Variants in PIGK observed in about 807,000 individuals in gnomAD.
PIGK encodes GPI-anchor transamidase.
A neutral mutation model predicts 50.6 loss-of-function variants in PIGK; 42 were observed. That is an observed-to-expected ratio of 0.83 (90% CI 0.65 to 1.07). The LOEUF (loss-of-function observed/expected upper bound fraction) is 1.07, where lower values mean the gene tolerates loss of function less well. Ranked by LOEUF, PIGK falls within the 50% of genes least tolerant of loss-of-function variation. The pLI is 0.00. For missense variants in PIGK, 448 were observed against 488.7 expected (o/e 0.92, Z 0.78); for synonymous variants, 151 against 156.0 (o/e 0.97, Z 0.24).
chr1:77,178,514 T>A (rs991673375), intron 3 of PIGK, among the ~76,000 whole-genome samples: 1 of 152,208 alleles, frequency 6.6e-6, no homozygotes, highest in Non-Finnish European at 1.5e-5. Flanking sequence ...CTGGCATTTG[T>A]GGTCTAGGAG....
In PIGK at chr1:77,101,999, T is replaced by C. The variant is rs1438173629; in HGVS notation, c.1072-9509A>G. On this transcript the variant is annotated intron_variant, in intron 10 of 10. Transcript: ENST00000370812. ...AGCCTGGCGACAGAGTGAGAATCCA[T>C]CTCACACACAAAAAAAATTCTTCTA... 2.0e-5 allele frequency among the ~76,000 whole-genome samples: 3 copies of C among 152,134 alleles called. No individual in the cohort carries two copies. In the South Asian group the frequency reaches 6.2e-4, roughly 32 times the overall value.
Position 77,161,202 on chromosome 1 carries a change from C to T in PIGK, c.813+93G>A. The T allele has an allele frequency of 1.2e-5, 8 of 694,726 alleles. No individual in the cohort carries two copies. The South Asian group carries it at 1.3e-4, about 12-fold the overall frequency. 43.0% of individuals were successfully genotyped at this position (694,726 alleles called of 1,614,324 possible). A position where few individuals can be genotyped will look rare whatever the true frequency, so the allele number is the denominator to read the frequency against. On this transcript the variant is annotated intron_variant, in intron 8 of 10. Coordinates refer to ENST00000370812, the MANE Select transcript of PIGK (RefSeq NM_005482.3). ...AAAAGCTATAATTCAACACATAAAA[C>T]AAGATCCTCTAGGAGTGCAGGGAAT...
At chr1:77,157,201 AATAGAAAATAGGTATTATT>A (rs1655027714) in intron 8 of PIGK, among the ~76,000 whole-genome samples, 1 of 152,218 alleles carries the variant, frequency 6.6e-6, no homozygotes, top group African/African-American at 2.4e-5. Flanking sequence ...CATATACTCT[AATAGAAAATAGGTATTATT>A]ATACAATTGA....
chr1:77,098,989 A>T (rs1268405573), intron 10 of PIGK, among the ~76,000 whole-genome samples: 1 of 152,158 alleles, frequency 6.6e-6, no homozygotes, highest in Non-Finnish European at 1.5e-5. Context: ...AGGTCTTTAA[A>T]ATATTCATTT....
intron 1 of PIGK, among the ~76,000 whole-genome samples, chr1:77,212,410 A>G (rs1359329535): frequency 6.6e-6 from 1 of 152,178 alleles, no homozygotes; most frequent in Non-Finnish European, 1.5e-5. Context: ...GGAACATACT[A>G]CTAGTCTGAA....
At chr1:77,154,824 CAGTAATAAAA>C (rs1654973891) in intron 8 of PIGK, among the ~76,000 whole-genome samples, 1 of 152,076 alleles carries the variant, frequency 6.6e-6, no homozygotes, top group Non-Finnish European at 1.5e-5. Context: ...GACATTAGGA[CAGTAATAAAA>C]AGGTAGCTGG....
intron 8 of PIGK, among the ~76,000 whole-genome samples, chr1:77,155,682 G>A (rs1304846434): frequency 6.6e-6 from 1 of 151,960 alleles, no homozygotes; most frequent in East Asian, 1.9e-4. Context: ...GCAGAGACGT[G>A]CAAAGCAAAT....
intron 3 of PIGK, among the ~76,000 whole-genome samples, chr1:77,190,190 C>G (rs1655865640): frequency 6.6e-6 from 1 of 151,818 alleles, no homozygotes; most frequent in Admixed American, 6.6e-5. Flanking sequence ...GAGTTCAAGA[C>G]CAGCCTGGGC....
chr1:77,120,263 G>A (rs1654068429), intron 10 of PIGK, among the ~76,000 whole-genome samples: 1 of 152,148 alleles, frequency 6.6e-6, no homozygotes, highest in African/African-American at 2.4e-5. Flanking sequence ...CACCCAGACT[G>A]GAGTGCAGTG....
At chr1:77,162,753 G>A (rs373379716) in intron 6 of PIGK, among the ~76,000 whole-genome samples, 103 of 149,360 alleles carry the variant, frequency 6.9e-4, no homozygotes, top group African/African-American at 1.9e-3. Context: ...CAGTATCATC[G>A]AAGAAAGTGA....
intron 10 of PIGK, among the ~76,000 whole-genome samples, chr1:77,096,881 C>CTTTTTTTTTTTTTTTTTTTTTT (rs141858558): frequency 1.3e-4 from 16 of 124,262 alleles, no homozygotes; most frequent in East Asian, 4.9e-4. Flanking sequence ...TCGGGTTTTT[C>CTTTTTTTTTTTTTTTTTTTTTT]TTTTTTTTTT....
At chr1:77,122,909 A>T (rs1654136967) in intron 9 of PIGK, among the ~76,000 whole-genome samples, 1 of 152,136 alleles carries the variant, frequency 6.6e-6, no homozygotes, top group Admixed American at 6.5e-5. Context: ...CCATCTAGGT[A>T]TATTATTTTC....
At chr1:77,137,943 T>A (rs1654559358) in intron 9 of PIGK, among the ~76,000 whole-genome samples, 1 of 152,312 alleles carries the variant, frequency 6.6e-6, no homozygotes, top group East Asian at 1.9e-4. Flanking sequence ...TTATTTTGTA[T>A]TTTGTAATTG....
intron 10 of PIGK, among the ~76,000 whole-genome samples, chr1:77,105,539 G>C (rs146894863): frequency 3.4e-4 from 52 of 151,770 alleles, no homozygotes; most frequent in African/African-American, 1.2e-3. Context: ...GATCCCTAAA[G>C]CTCAACACCA....
chr1:77,192,925 GTT>G (rs1038189262), intron 3 of PIGK, among the ~76,000 whole-genome samples: 13 of 151,982 alleles, frequency 8.6e-5, no homozygotes, highest in Admixed American at 2.0e-4. Context: ...ATTAATATAG[GTT>G]TTACTTTCTA....
intron 8 of PIGK, among the ~76,000 whole-genome samples, chr1:77,159,706 T>C (rs1557809604): frequency 6.6e-6 from 1 of 152,196 alleles, no homozygotes; most frequent in Non-Finnish European, 1.5e-5. Flanking sequence ...GATTTCTACA[T>C]GGGGCCTGTA....
intron 3 of PIGK, among the ~76,000 whole-genome samples, chr1:77,173,196 T>C (rs971632924): frequency 6.6e-6 from 1 of 152,160 alleles, no homozygotes; most frequent in African/African-American, 2.4e-5. Context: ...TAACTTACAA[T>C]AGAACATTCC....
chr1:77,195,956 G>A (rs183093053), intron 3 of PIGK, among the ~76,000 whole-genome samples: 262 of 152,156 alleles, frequency 1.7e-3, no homozygotes, highest in African/African-American at 6.1e-3. Flanking sequence ...GTATTCAATA[G>A]GTAGTTTTTC....
chr1:77,096,287 G>A (rs1653403390), intron 10 of PIGK, among the ~76,000 whole-genome samples: 1 of 152,066 alleles, frequency 6.6e-6, no homozygotes, highest in African/African-American at 2.4e-5. Flanking sequence ...TAGATTGATG[G>A]GCAAACATGG....
Sources: gnomAD v4.1 joint callset for allele counts (sites outside exome capture counted in the v4.1 genomes callset) on GRCh38, gnomAD v4.1.1 for gene constraint, MANE v1.5 for transcripts, NCBI Gene and HGNC (gene_info 2026-07-23, HGNC 2026-07-21) for gene names.